The following DNAH7 variants were observed in gnomAD, a reference collection of about 807,000 sequenced individuals.
The protein encoded by DNAH7 is dynein axonemal heavy chain 7.
Under a neutral mutation model 444.6 loss-of-function variants are expected in DNAH7, and 397 were observed. That is an observed-to-expected ratio of 0.89 (90% CI 0.82 to 0.97). The LOEUF is 0.97. Ranked by LOEUF, DNAH7 falls within the 50% of genes least tolerant of loss-of-function variation. The probability of loss-of-function intolerance (pLI) is 0.00; values close to 1 mark genes in which losing one functional copy is unlikely to be tolerated. For synonymous variants in DNAH7, 1,636 were observed against 1,624.4 expected (o/e 1.01, Z -0.17); for missense variants, 4,902 against 4,800.8 (o/e 1.02, Z -0.62).
chr2:195,925,989 A>G (rs1221355324), intron 22 of DNAH7, among the ~76,000 whole-genome samples: 1 of 152,110 alleles, frequency 6.6e-6, no homozygotes, highest in Admixed American at 6.5e-5. Flanking sequence ...TGTATTCACA[A>G]TCAATACATT....
intron 63 of DNAH7, among the ~76,000 whole-genome samples, chr2:195,747,033 C>A (rs577972491): frequency 4.9e-4 from 74 of 152,146 alleles, no homozygotes; most frequent in African/African-American, 1.7e-3. Flanking sequence ...ACAAAAAAAC[C>A]CTTCAAAAAA....
rs1455398602 is a variant in DNAH7 at position 196,068,690 on chromosome 2, C to A, written c.15+7G>T. 1.3e-6 allele frequency: 2 copies of A among 1,551,376 alleles called. No individual in the cohort carries two copies. The highest frequency in any genetic ancestry group is 2.4e-5 in the East Asian group (1 of 41,068). On this transcript the variant is annotated splice_region_variant and intron_variant, in intron 1 of 64. Coordinates refer to ENST00000312428, the MANE Select transcript of DNAH7 (RefSeq NM_018897.3). ...GCGGCGAGCCTGGCAAAGAGCAGCC[C>A]TCTCACCTGCTCACTGCTCATGGCT... is the stretch of plus-strand genomic sequence containing the variant.
At chr2:195,755,417 A>G (rs917158486) in intron 62 of DNAH7, among the ~76,000 whole-genome samples, 1 of 152,242 alleles carries the variant, frequency 6.6e-6, no homozygotes, top group Non-Finnish European at 1.5e-5. Context: ...TTAACTAGAT[A>G]GTAAATTAGA....
chr2:195,954,588 T>C (rs1239171879), intron 19 of DNAH7, among the ~76,000 whole-genome samples: 3 of 152,240 alleles, frequency 2.0e-5, no homozygotes, highest in African/African-American at 7.2e-5. Context: ...TTCTAGATCC[T>C]TGAGGAATCA....
At chr2:195,956,636 G>A (rs1221371033) in intron 19 of DNAH7, among the ~76,000 whole-genome samples, 1 of 140,788 alleles carries the variant, frequency 7.1e-6, no homozygotes, top group Non-Finnish European at 1.5e-5. Context: ...GGGTGACAGA[G>A]CGAGACTCTG....
chr2:195,896,563 G>A (rs1363213651), intron 29 of DNAH7, among the ~76,000 whole-genome samples: 1 of 152,108 alleles, frequency 6.6e-6, no homozygotes, highest in African/African-American at 2.4e-5. Flanking sequence ...CAGCGTAGAA[G>A]CAAGTGGACT....
chr2:195,808,573 A>T, intron 53 of DNAH7, 109 bp downstream of exon 53: 1 of 1,324,264 alleles, frequency 7.6e-7, no homozygotes, highest in Non-Finnish European at 1.0e-6. Flanking sequence ...GCATTCTAAC[A>T]TGTGACCAGT....
At chr2:195,984,085 G>C (rs1390208098) in intron 15 of DNAH7, among the ~76,000 whole-genome samples, 1 of 152,154 alleles carries the variant, frequency 6.6e-6, no homozygotes, top group African/African-American at 2.4e-5. Flanking sequence ...GTCTTGAAAA[G>C]CACTTGTACA....
At chr2:195,763,940 G>GA (rs1335137760) in intron 61 of DNAH7, among the ~76,000 whole-genome samples, 8 of 150,936 alleles carry the variant, frequency 5.3e-5, no homozygotes, top group Non-Finnish European at 8.9e-5. Flanking sequence ...AAACTACAGA[G>GA]AAAAAAAACT....
At chr2:196,013,888 T>C (rs767826734) in intron 9 of DNAH7, among the ~76,000 whole-genome samples, 2 of 152,346 alleles carry the variant, frequency 1.3e-5, no homozygotes, top group Non-Finnish European at 2.9e-5. Flanking sequence ...AGGATGCAGA[T>C]GCATGCGGTG....
At chr2:195,975,868 C>T (rs1363311849) in intron 15 of DNAH7, among the ~76,000 whole-genome samples, 1 of 152,192 alleles carries the variant, frequency 6.6e-6, no homozygotes, top group Admixed American at 6.5e-5. Context: ...AATTCATCAC[C>T]TGCTGACTAA....
At chr2:195,843,904 G>C (rs558779791) in intron 47 of DNAH7, among the ~76,000 whole-genome samples, 1 of 152,100 alleles carries the variant, frequency 6.6e-6, no homozygotes, top group East Asian at 1.9e-4. Flanking sequence ...AGACCATCCT[G>C]CCTAACACGG....
At chr2:195,989,124 T>C (rs1445772913) in intron 12 of DNAH7, among the ~76,000 whole-genome samples, 1 of 152,238 alleles carries the variant, frequency 6.6e-6, no homozygotes, top group Non-Finnish European at 1.5e-5. Flanking sequence ...TCTTGGTTAT[T>C]ATGAATAGTG....
Position 195,956,637 on chromosome 2 carries a change from C to T in DNAH7, c.3078+624G>A, listed in dbSNP as rs867085082. ...CTGCACTCCAGCCTGGGTGACAGAG[C>T]GAGACTCTGTCTCAAAAAAAAAAAA... On this transcript the variant is annotated intron_variant, in intron 19 of 64. Transcript: ENST00000312428. Among the ~76,000 whole-genome samples the T allele has an allele frequency of 1.3e-4, 18 of 138,928 alleles. 1 individual carries two copies. Among genetic ancestry groups the T allele is most frequent in the East Asian group, 2.0e-4 (1 of 4,994 alleles). The allele number at this position is 138,928 out of a possible 152,430, so 91.1% of individuals were successfully genotyped here.
At chr2:195,820,486 T>G (rs1263678623) in intron 49 of DNAH7, among the ~76,000 whole-genome samples, 1 of 151,946 alleles carries the variant, frequency 6.6e-6, no homozygotes, top group African/African-American at 2.4e-5. Flanking sequence ...AAGAAATACT[T>G]GTTTTTTTAC....
intron 25 of DNAH7, among the ~76,000 whole-genome samples, chr2:195,908,806 T>A (rs375022635): frequency 2.0e-5 from 3 of 152,180 alleles, no homozygotes; most frequent in African/African-American, 7.2e-5. Context: ...TCATATTTTA[T>A]TAATTATAAT....
At chr2:195,816,284 T>TG (rs1697215262) in intron 51 of DNAH7, among the ~76,000 whole-genome samples, 1 of 152,230 alleles carries the variant, frequency 6.6e-6, no homozygotes, top group African/African-American at 2.4e-5. Flanking sequence ...ACTTTTAGAA[T>TG]GCCAGTTCGT....
Position 195,955,943 on chromosome 2 carries a change from T to G in DNAH7, c.3078+1318A>C, listed in dbSNP as rs935217966. Among the ~76,000 whole-genome samples the G allele has an allele frequency of 5.3e-5, 8 of 152,142 alleles. No homozygotes were observed. The South Asian group carries it at 1.7e-3, about 31-fold the overall frequency. ...AGAGATGATTGTGTTACAAAGCAAC[T>G]TACTAATAGGTTCTTTAAATATGGA... On this transcript the variant is annotated intron_variant, in intron 19 of 64. Coordinates refer to ENST00000312428, the MANE Select transcript of DNAH7 (RefSeq NM_018897.3).
chr2:195,744,745 G>C (rs528130299), intron 63 of DNAH7, among the ~76,000 whole-genome samples: 3 of 152,170 alleles, frequency 2.0e-5, no homozygotes, highest in Non-Finnish European at 2.9e-5. Context: ...AGGCAAACAG[G>C]GTCCGGAGTG....
Sources: gnomAD v4.1 joint callset for allele counts (sites outside exome capture counted in the v4.1 genomes callset) on GRCh38, gnomAD v4.1.1 for gene constraint, MANE v1.5 for transcripts, NCBI Gene and HGNC (gene_info 2026-07-23, HGNC 2026-07-21) for gene names.